The following CHN1 variants were observed in gnomAD, a reference collection of about 807,000 sequenced individuals.
CHN1 encodes N-chimaerin.
A neutral mutation model predicts 59.5 loss-of-function variants in CHN1; 37 were observed. That is an observed-to-expected ratio of 0.62 (90% confidence interval 0.48 to 0.82). CHN1 has a LOEUF of 0.82. Ranked by LOEUF, CHN1 falls within the 40% of genes least tolerant of loss-of-function variation. The probability of loss-of-function intolerance (pLI) is 0.00; values close to 1 mark genes in which losing one functional copy is unlikely to be tolerated. For missense variants in CHN1, 469 were observed against 571.0 expected, an observed-to-expected ratio of 0.82 and a Z score of 1.82; for synonymous variants, 206 against 200.4, an observed-to-expected ratio of 1.03 and a Z score of -0.24.
intron 1 of CHN1, among the ~76,000 whole-genome samples, chr2:174,973,396 C>G (rs1449723753): frequency 3.3e-5 from 5 of 152,132 alleles, no homozygotes; most frequent in Non-Finnish European, 5.9e-5. Flanking sequence ...AGCCCATTCA[C>G]AAAACACGGT....
chr2:174,976,810 A>G (rs1208520057), intron 1 of CHN1, among the ~76,000 whole-genome samples: 1 of 152,188 alleles, frequency 6.6e-6, no homozygotes, highest in Admixed American at 6.5e-5. Flanking sequence ...GTTCATTTCT[A>G]TATCACTCAT....
At chr2:174,913,377 T>C (rs1248378420) in intron 5 of CHN1, among the ~76,000 whole-genome samples, 1 of 152,138 alleles carries the variant, frequency 6.6e-6, no homozygotes, top group Non-Finnish European at 1.5e-5. Context: ...ACCAGACTAT[T>C]TGGAAATAAG....
At chr2:174,943,441 G>A (rs1470765999) in intron 3 of CHN1, among the ~76,000 whole-genome samples, 1 of 152,058 alleles carries the variant, frequency 6.6e-6, no homozygotes. Flanking sequence ...TGGCCAGGCT[G>A]GTCTCAAACT....
At position 174,983,529 on chromosome 2, in the gene CHN1, A is replaced by T. The variant is rs184157655; in HGVS notation, c.19+21365T>A. Among the ~76,000 whole-genome samples the T allele has an allele frequency of 3.8e-4, 58 of 150,836 alleles. 1 individual carries two copies. Among genetic ancestry groups the T allele is most frequent in the Admixed American group, 1.9e-3 (29 of 15,108 alleles). On this transcript the variant is annotated intron_variant, in intron 1 of 12. Coordinates refer to ENST00000409900, the MANE Select transcript of CHN1 (RefSeq NM_001822.7). Reference sequence around the variant, plus strand: ...AAACTTCAGAACTCATACATTCATTAAAAAAAAATAAGCTAGACGGCCGGG... The same window carrying T: ...AAACTTCAGAACTCATACATTCATTTAAAAAAAATAAGCTAGACGGCCGGG...
chr2:174,897,156 C>G (rs1688241679), intron 5 of CHN1, among the ~76,000 whole-genome samples: 1 of 152,032 alleles, frequency 6.6e-6, no homozygotes, highest in African/African-American at 2.4e-5. Flanking sequence ...CTTTCTTATT[C>G]AAAATGGATG....
intron 3 of CHN1, among the ~76,000 whole-genome samples, chr2:174,944,381 C>G (rs932777136): frequency 2.6e-5 from 4 of 152,168 alleles, no homozygotes; most frequent in Admixed American, 6.6e-5. Context: ...TTTTGCCAAT[C>G]TGCAAAGTAA....
chr2:174,830,388 T>C (rs1389330290), intron 7 of CHN1, among the ~76,000 whole-genome samples: 1 of 152,226 alleles, frequency 6.6e-6, no homozygotes. Flanking sequence ...TTAGGAGGAA[T>C]ACTTACTATA....
intron 1 of CHN1, among the ~76,000 whole-genome samples, chr2:174,995,734 T>C (rs1574255828): frequency 6.6e-6 from 1 of 151,724 alleles, no homozygotes; most frequent in African/African-American, 2.4e-5. Flanking sequence ...GGCTTGGGGG[T>C]TGGGGACACC....
chr2:175,004,274 A>C (rs1386555479), intron 1 of CHN1, among the ~76,000 whole-genome samples: 1 of 152,244 alleles, frequency 6.6e-6, no homozygotes, highest in Non-Finnish European at 1.5e-5. Context: ...CACAAAAATA[A>C]CATTTCATTC....
At chr2:174,909,469 T>C (rs904885459) in intron 5 of CHN1, among the ~76,000 whole-genome samples, 3 of 152,154 alleles carry the variant, frequency 2.0e-5, no homozygotes, top group East Asian at 1.9e-4. Context: ...GGCAGACTCA[T>C]GTTAGCCCTA....
Position 174,807,442 on chromosome 2 carries a change from CTATCTGTGTGTG to C in CHN1, c.1102+1451_1102+1462del, listed in dbSNP as rs1326023037. On this transcript the variant is annotated intron_variant, in intron 11 of 12. Transcript: ENST00000409900. ...TGTGGACTAGGCAGCTTTTCACGGGCTATCTGTGTGTGTGTGTGTGTGTGTGTGTGTGTGTGT... is the reference window on the plus strand; with the variant it reads ...TGTGGACTAGGCAGCTTTTCACGGGCTGTGTGTGTGTGTGTGTGTGTGTGT... 1.5e-4 allele frequency among the ~76,000 whole-genome samples: 17 copies of C among 114,276 alleles called. No homozygotes were observed. The South Asian group carries it at 1.8e-3, about 12-fold the overall frequency. The allele number at this position is 114,276 out of a possible 152,430, so 75.0% of individuals were successfully genotyped here.
rs1283274138 is a variant in CHN1 at position 174,800,118 on chromosome 2, A to T, written c.1378T>A (p.Ter460LysextTer13). The T allele has an allele frequency of 1.9e-6, 3 of 1,564,838 alleles. No individual in the cohort carries two copies. Among genetic ancestry groups the T allele is most frequent in the South Asian group, 2.4e-5 (2 of 83,626 alleles). ...LLIKNEDILF[*>K] ...TCTTTTCCCCTCAAATTAAAAATTT[A>T]AAATAAAATGTCTTCGTTTTTGATA... Residue 460 changes from the stop codon to lysine (K), a stop_lost, in exon 13 of 13, where the codon TAA (stop) becomes AAA (lysine). Coordinates refer to ENST00000409900, the MANE Select transcript of CHN1 (RefSeq NM_001822.7).
chr2:174,914,057 G>A (rs1011222278), intron 5 of CHN1, among the ~76,000 whole-genome samples: 9 of 152,186 alleles, frequency 5.9e-5, no homozygotes, highest in Admixed American at 5.2e-4. Flanking sequence ...AGACAATCTG[G>A]GTTCAAATAG....
At position 174,880,742 on chromosome 2, in the gene CHN1, T is replaced by C. The variant is rs551221763; in HGVS notation, c.261-2614A>G. On this transcript the variant is annotated intron_variant, in intron 5 of 12. Transcript: ENST00000409900. ...AACAGGTCAATACAAATACACAAAG[T>C]GCTAAATTTAAAAAAGTCTATCTTG... 2.0e-5 allele frequency among the ~76,000 whole-genome samples: 3 copies of C among 152,214 alleles called. No homozygotes were observed. In the South Asian group the frequency reaches 6.2e-4, roughly 32 times the overall value.
intron 1 of CHN1, among the ~76,000 whole-genome samples, chr2:174,958,110 C>A (rs1690272264): frequency 7.2e-6 from 1 of 138,838 alleles, no homozygotes; most frequent in Non-Finnish European, 1.5e-5. Context: ...TCAGCCTGGG[C>A]ACCAAGGAAG....
intron 7 of CHN1, among the ~76,000 whole-genome samples, chr2:174,840,471 C>A (rs941263562): frequency 1.3e-5 from 2 of 152,066 alleles, no homozygotes; most frequent in South Asian, 4.2e-4. Context: ...TGGCCCCAAA[C>A]CCTTCCTATG....
In CHN1 at chr2:174,828,353, T is replaced by TTAAAAAAAA. The variant is rs1461309644; in HGVS notation, c.628-3836_628-3835insTTTTTTTTA. Among the ~76,000 whole-genome samples, 22 of 152,356 alleles carry TTAAAAAAAA rather than the reference T, an allele frequency of 1.4e-4. No homozygotes were observed. In the East Asian group the frequency reaches 3.5e-3, roughly 24 times the overall value. On this transcript the variant is annotated intron_variant, in intron 7 of 12. Transcript: ENST00000409900. ...GTCAAGCACATTAAACAAAAAGTGA[T>TTAAAAAAAA]GAATATTTTCTTTTTACGTGCGTCG... is the stretch of plus-strand genomic sequence containing the variant.
At chr2:174,962,772 T>C (rs1463158558) in intron 1 of CHN1, among the ~76,000 whole-genome samples, 1 of 147,898 alleles carries the variant, frequency 6.8e-6, no homozygotes, top group Non-Finnish European at 1.5e-5. Context: ...TAGCCGGGCA[T>C]GATGGCATGC....
intron 2 of CHN1, among the ~76,000 whole-genome samples, chr2:174,949,687 T>C (rs1689956825): frequency 6.6e-6 from 1 of 152,150 alleles, no homozygotes; most frequent in Non-Finnish European, 1.5e-5. Flanking sequence ...GTTTCCTCAT[T>C]TGTTAAAATT....
Sources: gnomAD v4.1 joint callset for allele counts (sites outside exome capture counted in the v4.1 genomes callset) on GRCh38, gnomAD v4.1.1 for gene constraint, MANE v1.5 for transcripts, NCBI Gene and HGNC (gene_info 2026-07-23, HGNC 2026-07-21) for gene names.